Variants in PRSS23 observed in about 807,000 individuals in gnomAD.
The protein encoded by PRSS23 is serine protease 23.
Under a neutral mutation model 34.7 loss-of-function variants are expected in PRSS23, and 25 were observed. The observed-to-expected ratio is 0.72, with a 90% CI of 0.53 to 1.01. The LOEUF (loss-of-function observed/expected upper bound fraction) is 1.01. PRSS23 is among the 50% of genes least tolerant of loss of function. PRSS23 has a pLI of 0.00. For missense variants in PRSS23, 445 were observed against 475.6 expected (o/e 0.94, Z 0.60); for synonymous variants, 176 against 186.6 (o/e 0.94, Z 0.46).
intron 2 of PRSS23, among the ~76,000 whole-genome samples, chr11:86,886,204 A>G (rs902549685): frequency 6.6e-6 from 1 of 152,072 alleles, no homozygotes; most frequent in South Asian, 2.1e-4. Flanking sequence ...TCTAATAATA[A>G]TAATAATTTG....
At chr11:86,907,840 C>CT (rs1948953990) in intron 2 of PRSS23, among the ~76,000 whole-genome samples, 1 of 152,056 alleles carries the variant, frequency 6.6e-6, no homozygotes, top group South Asian at 2.1e-4. Flanking sequence ...ACTTATCCAG[C>CT]TGCATAACTG....
At chr11:86,804,590 GT>G (rs1399254228) in intron 1 of PRSS23, among the ~76,000 whole-genome samples, 1 of 152,148 alleles carries the variant, frequency 6.6e-6, no homozygotes, top group African/African-American at 2.4e-5. Context: ...TTAGCAGTTT[GT>G]TTTTTTCTTA....
At chr11:86,823,758 G>C (rs1948272539) in intron 2 of PRSS23, among the ~76,000 whole-genome samples, 2 of 152,130 alleles carry the variant, frequency 1.3e-5, no homozygotes, top group African/African-American at 4.8e-5. Context: ...TGTAATCCCA[G>C]CATTTTGGGA....
At chr11:86,945,430 A>G (rs1031135127) in intron 2 of PRSS23, among the ~76,000 whole-genome samples, 1 of 152,002 alleles carries the variant, frequency 6.6e-6, no homozygotes, top group Admixed American at 6.5e-5. Context: ...CCAAAGCATC[A>G]TGTGACCTAC....
intron 2 of PRSS23, among the ~76,000 whole-genome samples, chr11:86,867,716 C>CA (rs1237790553): frequency 6.6e-6 from 1 of 151,588 alleles, no homozygotes; most frequent in Non-Finnish European, 1.5e-5. Flanking sequence ...CCTGTCTCTA[C>CA]AAAAAATAAA....
chr11:86,922,521 T>C (rs1949053629), intron 2 of PRSS23, among the ~76,000 whole-genome samples: 1 of 152,088 alleles, frequency 6.6e-6, no homozygotes, highest in Admixed American at 6.5e-5. Flanking sequence ...AATAATGTCC[T>C]CACACCATCA....
At chr11:86,797,219 G>A (rs2135590011), upstream of PRSS23, among the ~76,000 whole-genome samples, 1 of 152,348 alleles carries the variant, frequency 6.6e-6, no homozygotes, top group African/African-American at 2.4e-5. Flanking sequence ...TTTCGGTTTT[G>A]GTTCCCCCGA....
chr11:86,799,152 G>T (rs1221351450), upstream of PRSS23, among the ~76,000 whole-genome samples: 1 of 152,174 alleles, frequency 6.6e-6, no homozygotes, highest in African/African-American at 2.4e-5. Context: ...TTGCTGAGAA[G>T]GGAGGATACT....
At chr11:86,914,678 C>A (rs543713012) in intron 2 of PRSS23, among the ~76,000 whole-genome samples, 2 of 152,106 alleles carry the variant, frequency 1.3e-5, no homozygotes, top group East Asian at 1.9e-4. Context: ...TGTGGCAGAA[C>A]CTTTTTTCCC....
intron 2 of PRSS23, among the ~76,000 whole-genome samples, chr11:86,844,683 A>G (rs1399652406): frequency 6.6e-6 from 1 of 152,178 alleles, no homozygotes; most frequent in Admixed American, 6.5e-5. Flanking sequence ...GTGAATACTA[A>G]TCAATAGAAT....
At chr11:86,928,712 AAG>A (rs1949102404) in intron 2 of PRSS23, among the ~76,000 whole-genome samples, 1 of 79,816 alleles carries the variant, frequency 1.3e-5, no homozygotes, top group Non-Finnish European at 2.7e-5. Flanking sequence ...AAAAATTGGC[AAG>A]ACATATACAG....
intron 2 of PRSS23, among the ~76,000 whole-genome samples, chr11:86,827,077 C>T (rs539852405): frequency 6.6e-6 from 1 of 152,082 alleles, no homozygotes; most frequent in Non-Finnish European, 1.5e-5. Flanking sequence ...GGTACCAGTT[C>T]CTCCTTGTAC....
At chr11:86,905,631 C>T (rs1948936972) in intron 2 of PRSS23, among the ~76,000 whole-genome samples, 2 of 152,358 alleles carry the variant, frequency 1.3e-5, no homozygotes, top group South Asian at 4.1e-4. Flanking sequence ...CTCACAATGT[C>T]TGCCTCCCTT....
At chr11:86,839,408 G>A (rs1369513610) in intron 2 of PRSS23, among the ~76,000 whole-genome samples, 2 of 152,086 alleles carry the variant, frequency 1.3e-5, no homozygotes, top group Non-Finnish European at 2.9e-5. Context: ...AGAGAAAAAA[G>A]AGGGAAAAAA....
chr11:86,878,442 T>A lies in PRSS23; in HGVS notation c.206+54849T>A, dbSNP rs901552707. 8.5e-5 allele frequency among the ~76,000 whole-genome samples: 13 copies of A among 152,192 alleles called. No individual in the cohort carries two copies. In the South Asian group the frequency reaches 2.7e-3, roughly 32 times the overall value. On this transcript the variant is annotated intron_variant, in intron 2 of 2. Coordinates refer to the PRSS23 transcript ENST00000533902. ...CACGCCTGACTGCTTTTCGTATTTT[T>A]TTGGTGGAGACGGGGTTTCGCTGTG...
intron 2 of PRSS23, among the ~76,000 whole-genome samples, chr11:86,831,909 C>T (rs1015127192): frequency 1.1e-4 from 16 of 151,670 alleles, no homozygotes; most frequent in South Asian, 6.2e-4. Context: ...CACAATATTC[C>T]GGAATGATGT....
At chr11:86,862,672 G>C (rs1252124370) in intron 2 of PRSS23, among the ~76,000 whole-genome samples, 1 of 151,860 alleles carries the variant, frequency 6.6e-6, no homozygotes, top group Non-Finnish European at 1.5e-5. Context: ...TGTACACCCT[G>C]TGATATTATT....
intron 2 of PRSS23, among the ~76,000 whole-genome samples, chr11:86,905,548 T>A (rs1370705752): frequency 6.6e-6 from 1 of 152,200 alleles, no homozygotes; most frequent in Non-Finnish European, 1.5e-5. Context: ...AATGAATCAT[T>A]AGGTCATATG....
intron 2 of PRSS23, among the ~76,000 whole-genome samples, chr11:86,855,324 A>T (rs1322569700): frequency 1.3e-5 from 2 of 152,206 alleles, no homozygotes; most frequent in African/African-American, 4.8e-5. Context: ...GGAAATATTC[A>T]ATAAATTCCT....
Sources: allele counts gnomAD v4.1 joint callset (sites outside exome capture counted in the v4.1 genomes callset), GRCh38; gene constraint gnomAD v4.1.1; transcripts MANE v1.5; gene names NCBI Gene and HGNC (gene_info 2026-07-23, HGNC 2026-07-21).